Variants in PALM2AKAP2 observed in about 807,000 individuals in gnomAD.
The protein encoded by PALM2AKAP2 is PALM2-AKAP2 fusion protein.
Under a neutral mutation model 71.5 loss-of-function variants are expected in PALM2AKAP2, and 37 were observed. The ratio of observed to expected loss-of-function variants is 0.52; its 90% CI spans 0.40 to 0.68. PALM2AKAP2 has a LOEUF of 0.68. Ranked by LOEUF, PALM2AKAP2 falls within the 30% of genes least tolerant of loss-of-function variation. The pLI, the probability that PALM2AKAP2 is intolerant of heterozygous loss-of-function variation, is 0.00. For missense variants in PALM2AKAP2, 1,224 were observed against 1,191.8 expected (o/e 1.03, Z -0.40); for synonymous variants, 468 against 478.8 (o/e 0.98, Z 0.29).
intron 3 of PALM2AKAP2, among the ~76,000 whole-genome samples, chr9:109,922,203 T>G (rs4978858): frequency 0.15 from 22,249 of 151,484 alleles, 2,067 homozygotes; most frequent in East Asian, 0.26. Flanking sequence ...GAGGATTGCT[T>G]AAGCCCAGGA....
intron 1 of PALM2AKAP2, among the ~76,000 whole-genome samples, chr9:109,690,083 T>C (rs1827860639): frequency 6.6e-6 from 1 of 151,846 alleles, no homozygotes; most frequent in Non-Finnish European, 1.5e-5. Flanking sequence ...GTTTTCCCCC[T>C]GCCGGAGGGG....
chr9:109,865,265 A>G (rs1829420574), intron 1 of PALM2AKAP2, among the ~76,000 whole-genome samples: 1 of 151,632 alleles, frequency 6.6e-6, no homozygotes, highest in African/African-American at 2.4e-5. Context: ...CACCTGGCCA[A>G]TTTTTATATT....
At chr9:109,818,413 G>A (rs551496091) in intron 1 of PALM2AKAP2, among the ~76,000 whole-genome samples, 123 of 152,294 alleles carry the variant, frequency 8.1e-4, no homozygotes, top group African/African-American at 2.6e-3. Context: ...ACATGGAGAG[G>A]CTTCTGGAAG....
intron 1 of PALM2AKAP2, among the ~76,000 whole-genome samples, chr9:109,651,238 G>A (rs901723423): frequency 6.6e-6 from 1 of 152,252 alleles, no homozygotes; most frequent in South Asian, 2.1e-4. Flanking sequence ...TTAATCTATG[G>A]TTTCTCTTCC....
intron 1 of PALM2AKAP2, among the ~76,000 whole-genome samples, chr9:109,722,657 A>G (rs1175957091): frequency 6.6e-6 from 1 of 152,108 alleles, no homozygotes. Context: ...CCGTAGACCC[A>G]GCTTTTCGTG....
chr9:109,978,108 G>A (rs984326558), intron 6 of PALM2AKAP2, among the ~76,000 whole-genome samples: 9 of 152,094 alleles, frequency 5.9e-5, no homozygotes, highest in African/African-American at 2.2e-4. Flanking sequence ...AAGCCCCAGA[G>A]GTGAGTGGGT....
At chr9:109,736,239 A>G (rs1336320836) in intron 1 of PALM2AKAP2, among the ~76,000 whole-genome samples, 2 of 152,268 alleles carry the variant, frequency 1.3e-5, no homozygotes, top group Non-Finnish European at 1.5e-5. Context: ...CTATAAATAC[A>G]TATAATTTGT....
At chr9:110,078,933 A>G (rs1408297789) in intron 1 of PALM2AKAP2, among the ~76,000 whole-genome samples, 1 of 152,224 alleles carries the variant, frequency 6.6e-6, no homozygotes, top group African/African-American at 2.4e-5. Flanking sequence ...GGTGTCCAAC[A>G]ATAGCAACTG....
intron 1 of PALM2AKAP2, among the ~76,000 whole-genome samples, chr9:109,809,799 A>G (rs142611591): frequency 1.4e-3 from 210 of 152,288 alleles, no homozygotes; most frequent in African/African-American, 5.0e-3. Flanking sequence ...TGACTGAATC[A>G]CAGGGGTGGT....
intron 7 of PALM2AKAP2, among the ~76,000 whole-genome samples, chr9:110,024,323 A>G (rs994110864): frequency 2.0e-5 from 3 of 152,170 alleles, no homozygotes; most frequent in Admixed American, 6.5e-5. Flanking sequence ...TTCTGTTTCT[A>G]TAAATTTGCC....
intron 1 of PALM2AKAP2, among the ~76,000 whole-genome samples, chr9:109,679,934 T>C (rs1429201264): frequency 6.6e-6 from 1 of 152,226 alleles, no homozygotes; most frequent in Non-Finnish European, 1.5e-5. Context: ...CTGTGTGACT[T>C]GGTAAATTAC....
chr9:110,107,084 A>G (rs1409697029), intron 1 of PALM2AKAP2, among the ~76,000 whole-genome samples: 1 of 152,222 alleles, frequency 6.6e-6, no homozygotes, highest in Non-Finnish European at 1.5e-5. Context: ...ATATATTCTT[A>G]TGGGAGACTT....
Position 109,903,328 on chromosome 9 carries a change from C to T in PALM2AKAP2, c.258-20407C>T, listed in dbSNP as rs1040642093. Among the ~76,000 whole-genome samples, 4 of 152,074 alleles carry T rather than the reference C, an allele frequency of 2.6e-5. No individual in the cohort carries two copies. In the South Asian group the frequency reaches 6.2e-4, roughly 24 times the overall value. ...GGGAGGGGTTGGCCATACTGGACCACAGGGCCACTGGTTGGGTTGTTCATA... is the reference window on the plus strand; with the variant it reads ...GGGAGGGGTTGGCCATACTGGACCATAGGGCCACTGGTTGGGTTGTTCATA... On this transcript the variant is annotated intron_variant, in intron 3 of 9. Coordinates refer to the PALM2AKAP2 transcript ENST00000302798.
chr9:109,763,521 G>A (rs925750449), intron 1 of PALM2AKAP2, among the ~76,000 whole-genome samples: 1 of 152,204 alleles, frequency 6.6e-6, no homozygotes, highest in Non-Finnish European at 1.5e-5. Context: ...CACCTGTGAA[G>A]CATTCACAGG....
chr9:110,109,636 C>T (rs1407610427), intron 1 of PALM2AKAP2, among the ~76,000 whole-genome samples: 3 of 152,000 alleles, frequency 2.0e-5, no homozygotes, highest in Non-Finnish European at 2.9e-5. Flanking sequence ...AATTCTGCCG[C>T]GGTATGGGCA....
At chr9:109,885,747 C>T (rs1397172838) in intron 3 of PALM2AKAP2, among the ~76,000 whole-genome samples, 1 of 152,204 alleles carries the variant, frequency 6.6e-6, no homozygotes, top group East Asian at 1.9e-4. Flanking sequence ...GAGCTGAAGT[C>T]TCTCCTCCAT....
chr9:109,688,944 G>A (rs1465026329), intron 1 of PALM2AKAP2, among the ~76,000 whole-genome samples: 1 of 152,190 alleles, frequency 6.6e-6, no homozygotes, highest in Non-Finnish European at 1.5e-5. Context: ...GATTATGTGA[G>A]TTTGAGACTC....
At chr9:110,119,310 T>C (rs1057039880) in intron 1 of PALM2AKAP2, among the ~76,000 whole-genome samples, 2 of 120,922 alleles carry the variant, frequency 1.7e-5, no homozygotes, top group Admixed American at 1.9e-4. Flanking sequence ...GCCACTGCAC[T>C]CCAGCCTGGT....
At chr9:109,962,642 A>ATT (rs397894684) in intron 6 of PALM2AKAP2, among the ~76,000 whole-genome samples, 28 of 142,942 alleles carry the variant, frequency 2.0e-4, no homozygotes, top group South Asian at 1.3e-3. Context: ...AACTGTGCCA[A>ATT]TTTTTTTTTT....
Sources: gnomAD v4.1 joint callset for allele counts (sites outside exome capture counted in the v4.1 genomes callset) on GRCh38, gnomAD v4.1.1 for gene constraint, MANE v1.5 for transcripts, NCBI Gene and HGNC (gene_info 2026-07-23, HGNC 2026-07-21) for gene names.